PLEKHG1: variants seen among roughly 807,000 people sequenced by gnomAD.
The protein encoded by PLEKHG1 is pleckstrin homology and RhoGEF domain containing G1.
PLEKHG1 carries 44 observed loss-of-function variants against 100.8 expected under a neutral mutation model. That is an observed-to-expected ratio of 0.44 (90% CI 0.34 to 0.56). The LOEUF (loss-of-function observed/expected upper bound fraction) is 0.56, where lower values mean the gene tolerates loss of function less well. Ranked by LOEUF, PLEKHG1 falls within the 20% of genes least tolerant of loss-of-function variation. PLEKHG1 has a pLI of 0.01. For missense variants in PLEKHG1, 1,545 were observed against 1,720.9 expected, an observed-to-expected ratio of 0.90 and a Z score of 1.81; for synonymous variants, 640 against 662.5, an observed-to-expected ratio of 0.97 and a Z score of 0.52.
intron 3 of PLEKHG1, among the ~76,000 whole-genome samples, chr6:150,694,735 C>T (rs1780481155): frequency 6.6e-6 from 1 of 151,586 alleles, no homozygotes. Flanking sequence ...TAAAATAGTG[C>T]CTGGCACATA....
chr6:150,678,572 G>T, intron 3 of PLEKHG1, among the ~76,000 whole-genome samples: 1 of 152,266 alleles, frequency 6.6e-6, no homozygotes, highest in Middle Eastern at 3.4e-3. Flanking sequence ...GCAGGCAGGG[G>T]TAAAGATTAA....
chr6:150,763,024 C>CTTTTTTT lies in PLEKHG1; in HGVS notation c.412-5600_412-5594dup, dbSNP rs60462437. On this transcript the variant is annotated intron_variant, in intron 2 of 15. Transcript: ENST00000358517. Reference sequence around the variant, plus strand: ...AGCACCAACAGGAGGGATAAAGCTTCTTTTTTTTTTTTTTTTTTTTGAGAC... The same window carrying CTTTTTTT: ...AGCACCAACAGGAGGGATAAAGCTTCTTTTTTTTTTTTTTTTTTTTTTTTTTTGAGAC... Among the ~76,000 whole-genome samples the CTTTTTTT allele has an allele frequency of 1.9e-3, 143 of 76,480 alleles. 2 individuals are homozygous for CTTTTTTT. The highest frequency in any genetic ancestry group is 3.6e-3 in the African/African-American group (52 of 14,462). 50.2% of individuals were successfully genotyped at this position (76,480 alleles called of 152,430 possible). A position where few individuals can be genotyped will look rare whatever the true frequency, so the allele number is the denominator to read the frequency against.
chr6:150,600,003 G>T lies in PLEKHG1; in HGVS notation c.-218G>T. On this transcript the variant is annotated 5_prime_UTR_variant, in exon 1 of 4. Coordinates refer to the PLEKHG1 transcript ENST00000367326. This position sits in a 1 kb window ranked among gnomAD's most constrained non-coding sequence, Gnocchi z 6.2. ...TGCGAGCGCCGCCCGGGCATGCGAA[G>T]CCGTCCCTCCCCGGGTAAGCGCCGG... 1 of 240,944 alleles carries T rather than the reference G, an allele frequency of 4.2e-6. No individual in the cohort carries two copies. Among genetic ancestry groups the T allele is most frequent in the Non-Finnish European group, 8.9e-6 (1 of 112,374 alleles). The allele number at this position is 240,944 out of a possible 1,614,324, so 14.9% of individuals were successfully genotyped here.
intron 3 of PLEKHG1, among the ~76,000 whole-genome samples, chr6:150,672,599 T>C (rs1779618974): frequency 6.6e-6 from 1 of 152,314 alleles, no homozygotes; most frequent in South Asian, 2.1e-4. Flanking sequence ...AATCAGAGGA[T>C]AGAAAAAATT....
At position 150,683,984 on chromosome 6, in the gene PLEKHG1, C is replaced by A; in HGVS notation, c.-99+33198C>A. 1 of 385,544 alleles carries A rather than the reference C, an allele frequency of 2.6e-6. No homozygotes were observed. Among genetic ancestry groups the A allele is most frequent in the Non-Finnish European group, 4.8e-6 (1 of 208,788 alleles). The allele number at this position is 385,544 out of a possible 1,614,324, so 23.9% of individuals were successfully genotyped here. On this transcript the variant is annotated intron_variant, in intron 3 of 3. Coordinates refer to the PLEKHG1 transcript ENST00000367326. The surrounding 1 kb of genome is among the most constrained non-coding windows in gnomAD (Gnocchi z 4.0). ...TGGAAGGATAAAAGTATCAGGCAGCCTCCTCGGGCGGAGACCGCAGGTAGA... is the reference window on the plus strand; with the variant it reads ...TGGAAGGATAAAAGTATCAGGCAGCATCCTCGGGCGGAGACCGCAGGTAGA...
intron 2 of PLEKHG1, among the ~76,000 whole-genome samples, chr6:150,747,292 C>T (rs1645909832): frequency 6.6e-6 from 1 of 152,212 alleles, no homozygotes; most frequent in South Asian, 2.1e-4. Flanking sequence ...GTTACTTGCA[C>T]CTTCGAAAAC....
chr6:150,765,152 C>T (rs1784394292), intron 2 of PLEKHG1, among the ~76,000 whole-genome samples: 1 of 152,028 alleles, frequency 6.6e-6, no homozygotes, highest in Non-Finnish European at 1.5e-5. Context: ...TTTGGGTAAA[C>T]AGACTACTTT....
rs562206704 is a variant in PLEKHG1, at chr6:150,671,575, C to T, written c.-99+20789C>T. On this transcript the variant is annotated intron_variant, in intron 3 of 3. Transcript: ENST00000367326. ...CATATGCCGGGCACTGTAGTAAGTG[C>T]TGAGGAGACAGTGCTTACATTGGTA... Among the ~76,000 whole-genome samples, 176 of 152,294 alleles carry T rather than the reference C, an allele frequency of 1.2e-3. 1 individual carries two copies. The highest frequency in any genetic ancestry group is 3.9e-3 in the African/African-American group (162 of 41,552).
intron 2 of PLEKHG1, among the ~76,000 whole-genome samples, chr6:150,735,566 A>G (rs544216380): frequency 6.6e-6 from 1 of 152,362 alleles, no homozygotes; most frequent in Admixed American, 6.5e-5. Context: ...TAAAAATAGA[A>G]AAGTCAATTG....
exon 2 of PLEKHG1, chr6:150,734,036 C>G: frequency 6.2e-7 from 1 of 1,614,096 alleles, no homozygotes; most frequent in Non-Finnish European, 8.5e-7. Context: ...TAGAGTTGTT[C>G]AGGAAATTCT....
intron 2 of PLEKHG1, among the ~76,000 whole-genome samples, chr6:150,647,773 G>A (rs1414185860): frequency 1.3e-5 from 2 of 151,962 alleles, no homozygotes; most frequent in African/African-American, 2.4e-5. Flanking sequence ...TGTACTTAAG[G>A]CCAGACAATC....
intron 3 of PLEKHG1, among the ~76,000 whole-genome samples, chr6:150,667,195 C>A (rs187717224): frequency 3.9e-5 from 6 of 152,246 alleles, no homozygotes; most frequent in African/African-American, 1.4e-4. Flanking sequence ...AGGGTTGGGT[C>A]TGCATCACCT....
intron 1 of PLEKHG1, among the ~76,000 whole-genome samples, chr6:150,612,142 A>G (rs1229660278): frequency 1.4e-5 from 2 of 145,520 alleles, no homozygotes; most frequent in Non-Finnish European, 3.0e-5. Context: ...TTGTCCAGTC[A>G]GTTAGCAATA....
At chr6:150,776,002 G>T (rs1784939708) in intron 3 of PLEKHG1, among the ~76,000 whole-genome samples, 1 of 152,156 alleles carries the variant, frequency 6.6e-6, no homozygotes, top group Non-Finnish European at 1.5e-5. Flanking sequence ...GTGCTGCTCA[G>T]ACCGGAAGGG....
intron 6 of PLEKHG1, among the ~76,000 whole-genome samples, chr6:150,801,337 T>G (rs4869949): frequency 0.27 from 40,306 of 152,072 alleles, 5,493 homozygotes; most frequent in East Asian, 0.4. Flanking sequence ...GTCACTTCAG[T>G]TATCTCCTCT....
chr6:150,802,795 G>A (rs1786790778), intron 6 of PLEKHG1, among the ~76,000 whole-genome samples: 1 of 151,788 alleles, frequency 6.6e-6, no homozygotes, highest in Non-Finnish European at 1.5e-5. Context: ...CGAGTAGCTG[G>A]GACTACAGGC....
At chr6:150,714,249 T>C (rs1464486964) in intron 3 of PLEKHG1, among the ~76,000 whole-genome samples, 3 of 152,202 alleles carry the variant, frequency 2.0e-5, no homozygotes, top group South Asian at 2.1e-4. Flanking sequence ...TTGCAACATA[T>C]TTGCTTGCTT....
intron 1 of PLEKHG1, among the ~76,000 whole-genome samples, chr6:150,611,825 AAAG>A (rs1437980655): frequency 6.6e-6 from 1 of 151,934 alleles, no homozygotes; most frequent in Non-Finnish European, 1.5e-5. Context: ...AAAAAAAAAA[AAAG>A]AAAGAAAATA....
chr6:150,650,021 A>C (rs1245652204), intron 2 of PLEKHG1, among the ~76,000 whole-genome samples: 3 of 150,562 alleles, frequency 2.0e-5, no homozygotes, highest in African/African-American at 7.4e-5. Flanking sequence ...CAAAAAAATA[A>C]ATAAATAAAA....
Sources: gnomAD v4.1 joint callset for allele counts (sites outside exome capture counted in the v4.1 genomes callset) on GRCh38, gnomAD v4.1.1 for gene constraint, Gnocchi (gnomAD v3.1) non-coding constraint, MANE v1.5 for transcripts, NCBI Gene and HGNC (gene_info 2026-07-23, HGNC 2026-07-21) for gene names.